Variants in HS3ST3B1 observed in about 807,000 individuals in gnomAD.
HS3ST3B1 encodes heparan sulfate-glucosamine 3-sulfotransferase 3B1, also known as heparan sulfate glucosamine 3-O-sulfotransferase 3B1.
HS3ST3B1 carries 13 observed loss-of-function variants against 21.3 expected under a neutral mutation model. That is an observed-to-expected ratio of 0.61 (90% CI 0.40 to 0.97). The LOEUF (loss-of-function observed/expected upper bound fraction) is 0.97, where lower values mean the gene tolerates loss of function less well. HS3ST3B1 is among the 50% of genes least tolerant of loss of function. The probability of loss-of-function intolerance (pLI) is 0.00; values close to 1 mark genes in which losing one functional copy is unlikely to be tolerated. For synonymous variants in HS3ST3B1, 234 were observed against 254.8 expected (o/e 0.92, Z 0.78); for missense variants, 459 against 554.8 (o/e 0.83, Z 1.73).
At chr17:14,330,642 A>T (rs1398980839) in intron 1 of HS3ST3B1, among the ~76,000 whole-genome samples, 1 of 151,186 alleles carries the variant, frequency 6.6e-6, no homozygotes, top group Non-Finnish European at 1.5e-5. Flanking sequence ...GGTGTTGCAG[A>T]GTGTTTTGCA....
rs1007613152 is a variant in HS3ST3B1, at chr17:14,303,801, C to T, written c.554+1729C>T. 1 of 152,358 alleles carries T rather than the reference C, an allele frequency of 6.6e-6. No individual in the cohort carries two copies. The highest frequency in any genetic ancestry group is 1.9e-4 in the East Asian group (1 of 5,182). The allele number at this position is 152,358 out of a possible 1,614,324, so 9.4% of individuals were successfully genotyped here. A position where few individuals can be genotyped will look rare whatever the true frequency, so the allele number is the denominator to read the frequency against. On this transcript the variant is annotated intron_variant, in intron 1 of 1. Transcript: ENST00000360954. This position sits in a 1 kb window ranked among gnomAD's most constrained non-coding sequence, Gnocchi z 5.7. ...TCCAGGGCCAGGCGGCAGGCTATAACTAGCGCCCTTCCAGGTGGAACCCGC... is the reference window on the plus strand; with the variant it reads ...TCCAGGGCCAGGCGGCAGGCTATAATTAGCGCCCTTCCAGGTGGAACCCGC...
rs565725354 is a variant in HS3ST3B1, at chr17:14,347,342, T to C, written c.*1696T>C. On this transcript the variant is annotated 3_prime_UTR_variant, in exon 2 of 2. Transcript: ENST00000360954. Reference sequence around the variant, plus strand: ...CAATATAGTGGCAATTGAGTAGCCATATAGTAATACAGGGGCAGTTGGTTA... The same window carrying C: ...CAATATAGTGGCAATTGAGTAGCCACATAGTAATACAGGGGCAGTTGGTTA... The C allele has an allele frequency of 2.6e-5, 4 of 152,330 alleles. No homozygotes were observed. In the East Asian group the frequency reaches 7.7e-4, roughly 29 times the overall value. 9.4% of individuals were successfully genotyped at this position (152,330 alleles called of 1,614,324 possible). A position where few individuals can be genotyped will look rare whatever the true frequency, so the allele number is the denominator to read the frequency against.
chr17:14,310,067 G>T (rs1409740781), intron 1 of HS3ST3B1, among the ~76,000 whole-genome samples: 1 of 152,136 alleles, frequency 6.6e-6, no homozygotes, highest in African/African-American at 2.4e-5. Flanking sequence ...AGGCGATTCC[G>T]CAGATTCAGT....
rs1052296799 is a variant in HS3ST3B1 at position 14,337,841 on chromosome 17, G to A, written c.555-7187G>A. On this transcript the variant is annotated intron_variant, in intron 1 of 1. Transcript: ENST00000360954. ...TTGTCTTCTCATTTTTTCCCCCCAC[G>A]AAGGTGGACCTCTATACCCACATAG... Among the ~76,000 whole-genome samples, 56 of 151,544 alleles carry A rather than the reference G, an allele frequency of 3.7e-4. 1 individual carries two copies. Among genetic ancestry groups the A allele is most frequent in the Admixed American group, 1.1e-3 (16 of 15,236 alleles).
At chr17:14,328,696 T>C (rs1813317473) in intron 1 of HS3ST3B1, 1 of 152,198 alleles carries the variant, frequency 6.6e-6, no homozygotes, top group African/African-American at 2.4e-5. Flanking sequence ...ATCTTCTCTC[T>C]GATTAGAAAG....
At chr17:14,322,631 T>C (rs1268148727) in intron 1 of HS3ST3B1, among the ~76,000 whole-genome samples, 1 of 152,192 alleles carries the variant, frequency 6.6e-6, no homozygotes, top group African/African-American at 2.4e-5. Context: ...GTGTATGTAT[T>C]GCAGGCAGAG....
chr17:14,301,935 G>C lies in HS3ST3B1; in HGVS notation c.417G>C (p.Gln139His). 3 of 1,609,990 alleles carry C rather than the reference G, an allele frequency of 1.9e-6. No homozygotes were observed. The highest frequency in any genetic ancestry group is 2.5e-6 in the Non-Finnish European group (3 of 1,178,744). ...FSGSGSKQLPQAIIIGVKKGG... is the reference protein window; with the variant it reads ...FSGSGSKQLPHAIIIGVKKGG... ...GGTCTGGGAGCAAGCAGCTGCCGCA[G>C]GCCATCATCATCGGCGTGAAGAAGG... The change falls in exon 1 of 2, where the codon CAG (glutamine) becomes CAC (histidine). Residue 139 changes from glutamine (Q) to histidine (H), a missense_variant. Around this residue, in one of 3 missense-constraint regions of HS3ST3B1, gnomAD observed 317 missense variants for 278.6 expected, o/e 1.14. Transcript: ENST00000360954.
intron 1 of HS3ST3B1, among the ~76,000 whole-genome samples, chr17:14,315,565 G>C (rs550183658): frequency 6.6e-6 from 1 of 152,148 alleles, no homozygotes; most frequent in African/African-American, 2.4e-5. Flanking sequence ...GCTCATGCCT[G>C]TAATCCCAGC....
chr17:14,338,248 C>T (rs150751558), intron 1 of HS3ST3B1, among the ~76,000 whole-genome samples: 171 of 151,676 alleles, frequency 1.1e-3, no homozygotes, highest in Non-Finnish European at 1.7e-3. Flanking sequence ...GCCTCAGCCT[C>T]CGGAGTGACT....
chr17:14,342,733 CATAACTT>C (rs1910426918), intron 1 of HS3ST3B1, among the ~76,000 whole-genome samples: 1 of 152,138 alleles, frequency 6.6e-6, no homozygotes, highest in Non-Finnish European at 1.5e-5. Flanking sequence ...TTCAAAGTGA[CATAACTT>C]ATAAGTGGTA....
At chr17:14,323,889 G>A (rs962710389) in intron 1 of HS3ST3B1, among the ~76,000 whole-genome samples, 1 of 152,180 alleles carries the variant, frequency 6.6e-6, no homozygotes, top group Non-Finnish European at 1.5e-5. Context: ...TGTGAGCTTA[G>A]TGCCCTATGT....
At chr17:14,329,276 T>G (rs1464815333) in intron 1 of HS3ST3B1, 4 of 146,512 alleles carry the variant, frequency 2.7e-5, no homozygotes, top group Non-Finnish European at 6.0e-5. Context: ...TCAACCTAAT[T>G]GTGTGCCATG....
chr17:14,341,399 C>T (rs1032736589), intron 1 of HS3ST3B1, among the ~76,000 whole-genome samples: 9 of 152,316 alleles, frequency 5.9e-5, no homozygotes, highest in Non-Finnish European at 1.2e-4. Flanking sequence ...GTCTTGCTTC[C>T]TTACATCCTT....
At chr17:14,311,302 C>T (rs1404862084) in intron 1 of HS3ST3B1, among the ~76,000 whole-genome samples, 1 of 151,316 alleles carries the variant, frequency 6.6e-6, no homozygotes, top group Non-Finnish European at 1.5e-5. Flanking sequence ...TGGTCTCAAA[C>T]TCCTGGGCTC....
At chr17:14,340,093 C>A (rs1397099040) in intron 1 of HS3ST3B1, among the ~76,000 whole-genome samples, 3 of 152,190 alleles carry the variant, frequency 2.0e-5, no homozygotes. Context: ...CGCTCACACA[C>A]TTCTCAGGCC....
chr17:14,329,394 AGGAAGGAAGGAAAAGAGAGAAAGAG>A (rs1909928510), intron 1 of HS3ST3B1: 1 of 130,936 alleles, frequency 7.6e-6, no homozygotes, highest in South Asian at 2.5e-4. Flanking sequence ...AAGGAAGGAG[AGGAAGGAAGGAAAAGAGAGAAAGAG>A]AGAGAGGAAG....
intron 1 of HS3ST3B1, chr17:14,305,187 T>G (rs1298758949): frequency 2.0e-5 from 3 of 152,282 alleles, no homozygotes; most frequent in African/African-American, 7.2e-5. Flanking sequence ...CCATCCACAC[T>G]GGAACTCCAG....
In HS3ST3B1 at chr17:14,345,015, T is replaced by C; in HGVS notation, c.555-13T>C. 6.2e-7 allele frequency: 1 copy of C among 1,605,574 alleles called. No individual in the cohort carries two copies. Among genetic ancestry groups the C allele is most frequent in the Non-Finnish European group, 8.5e-7 (1 of 1,174,146 alleles). ...CACCTTCTGATCCCGGTTTGTTTGC[T>C]TGCGTTTCTCAGGGACCTGATGCCC... On this transcript the variant is annotated splice_polypyrimidine_tract_variant and intron_variant, in intron 1 of 1. Transcript: ENST00000360954.
chr17:14,325,373 A>G (rs1253753514), intron 1 of HS3ST3B1, among the ~76,000 whole-genome samples: 2 of 152,252 alleles, frequency 1.3e-5, no homozygotes, highest in Non-Finnish European at 2.9e-5. Context: ...GGTTCAAAGG[A>G]GAAGTCAAAA....
Sources: allele counts gnomAD v4.1 joint callset (sites outside exome capture counted in the v4.1 genomes callset), GRCh38; gene constraint gnomAD v4.1.1; regional missense constraint gnomAD v4.1.1; non-coding constraint Gnocchi (gnomAD v3.1); transcripts MANE v1.5; gene names NCBI Gene and HGNC (gene_info 2026-07-23, HGNC 2026-07-21).